Variants in SLC22A3 observed in about 807,000 individuals in gnomAD.
The protein encoded by SLC22A3 is EMT organic cation transporter 3.
SLC22A3 carries 51 observed loss-of-function variants against 59.1 expected under a neutral mutation model. That is an observed-to-expected ratio of 0.86 (90% confidence interval 0.69 to 1.09). The LOEUF is 1.09. Among genes scored for constraint, SLC22A3 ranks in the 50% least tolerant of loss-of-function variants. The pLI, the probability that SLC22A3 is intolerant of heterozygous loss-of-function variation, is 0.00. For synonymous variants in SLC22A3, 325 were observed against 292.0 expected (o/e 1.11, Z -1.15); for missense variants, 711 against 726.3 (o/e 0.98, Z 0.24).
At chr6:160,442,716 A>C in intron 7 of SLC22A3, 45 bp from the exon 8 acceptor site, 1 of 1,397,646 alleles carries the variant, frequency 7.2e-7, no homozygotes, top group African/African-American at 1.4e-5. Context: ...ATGTTAATGA[A>C]ATCAGACCCC....
chr6:160,373,160 G>T (rs919018331), intron 1 of SLC22A3, among the ~76,000 whole-genome samples: 1 of 152,124 alleles, frequency 6.6e-6, no homozygotes, highest in African/African-American at 2.4e-5. Flanking sequence ...TTTGATCTTT[G>T]ATACTGGTGA....
At chr6:160,387,016 G>A (rs1313030389) in intron 1 of SLC22A3, among the ~76,000 whole-genome samples, 1 of 152,198 alleles carries the variant, frequency 6.6e-6, no homozygotes, top group Non-Finnish European at 1.5e-5. Context: ...GTACAACCTG[G>A]CACTGCAGCT....
intron 5 of SLC22A3, chr6:160,426,495 G>A: frequency 6.3e-6 from 2 of 319,712 alleles, no homozygotes; most frequent in Non-Finnish European, 9.0e-6. Flanking sequence ...ACTCTAATGT[G>A]TCTGATTTAT....
At chr6:160,450,096 C>T (rs1788893122) in intron 10 of SLC22A3, among the ~76,000 whole-genome samples, 1 of 152,184 alleles carries the variant, frequency 6.6e-6, no homozygotes, top group African/African-American at 2.4e-5. Context: ...GAGCAGAGAA[C>T]TGGTCTGACC....
At chr6:160,377,479 C>CAA (rs113037123) in intron 1 of SLC22A3, among the ~76,000 whole-genome samples, 16 of 135,264 alleles carry the variant, frequency 1.2e-4, no homozygotes, top group African/African-American at 3.5e-4. Context: ...GACTCTATTT[C>CAA]AAAAAAAAAA....
chr6:160,356,633 G>A (rs1267215423), intron 1 of SLC22A3, among the ~76,000 whole-genome samples: 1 of 152,188 alleles, frequency 6.6e-6, no homozygotes, highest in Non-Finnish European at 1.5e-5. Flanking sequence ...GGAGTGGGGA[G>A]CAAACACCAC....
intron 7 of SLC22A3, among the ~76,000 whole-genome samples, chr6:160,440,125 T>TC (rs1788492326): frequency 6.6e-6 from 1 of 152,238 alleles, no homozygotes; most frequent in Non-Finnish European, 1.5e-5. Context: ...TATTCTCATC[T>TC]CAGACTCACT....
intron 1 of SLC22A3, among the ~76,000 whole-genome samples, chr6:160,382,934 T>C (rs1166700260): frequency 1.3e-5 from 2 of 152,124 alleles, no homozygotes; most frequent in African/African-American, 4.8e-5. Context: ...CAATAGCATA[T>C]TGGAGATGGC....
At chr6:160,422,275 T>C (rs1195563431) in intron 5 of SLC22A3, among the ~76,000 whole-genome samples, 1 of 152,196 alleles carries the variant, frequency 6.6e-6, no homozygotes, top group Non-Finnish European at 1.5e-5. Flanking sequence ...TGGAGGAAAT[T>C]GTACTAAAAA....
chr6:160,348,434 C>A lies in SLC22A3; in HGVS notation c.15C>A (p.Asp5Glu). 6.6e-7 allele frequency: 1 copy of A among 1,509,286 alleles called. No homozygotes were observed. The highest frequency in any genetic ancestry group is 1.3e-5 in the South Asian group (1 of 79,706). 93.5% of individuals were successfully genotyped at this position (1,509,286 alleles called of 1,614,324 possible). Reference protein sequence around the residue: MPSFDEALQRVGEFG... With the variant: MPSFEEALQRVGEFG... ...GCGGGCGCACCATGCCCTCCTTCGA[C>A]GAGGCGCTGCAGCGGGTGGGCGAGT... Residue 5 changes from aspartate (D) to glutamate (E), a missense_variant, in exon 1 of 11, where the codon GAC becomes GAA. By Grantham distance (45) the Asp-to-Glu change is conservative. Transcript: ENST00000275300.
chr6:160,377,337 T>C (rs1405071902), intron 1 of SLC22A3, among the ~76,000 whole-genome samples: 1 of 151,872 alleles, frequency 6.6e-6, no homozygotes, highest in African/African-American at 2.4e-5. Flanking sequence ...ATACGAAAAT[T>C]AGCTGGGTGT....
intron 1 of SLC22A3, among the ~76,000 whole-genome samples, chr6:160,373,976 C>T (rs1785497531): frequency 6.6e-6 from 1 of 152,216 alleles, no homozygotes; most frequent in South Asian, 2.1e-4. Context: ...AGTTAAACCA[C>T]TTGGCTCCCT....
intron 1 of SLC22A3, among the ~76,000 whole-genome samples, chr6:160,355,773 A>AAACAACAAC (rs572407293): frequency 2.0e-5 from 3 of 151,300 alleles, no homozygotes; most frequent in African/African-American, 7.3e-5. Flanking sequence ...CTCTGTCTCA[A>AAACAACAAC]AACAACAACA....
rs1788956134 is a variant in SLC22A3, at chr6:160,451,346, A to G, written c.*290A>G. On this transcript the variant is annotated 3_prime_UTR_variant, in exon 11 of 11. Coordinates refer to ENST00000275300, the MANE Select transcript of SLC22A3 (RefSeq NM_021977.4). ...TTTCTTGTGTTCCCTGTGGTCTCTG[A>G]CCCATTAGGCTAAAGAGAGACAAGA... 5 of 394,846 alleles carry G rather than the reference A, an allele frequency of 1.3e-5. No individual in the cohort carries two copies. The highest frequency in any genetic ancestry group is 3.7e-5 in the Admixed American group (1 of 26,764). 24.5% of individuals were successfully genotyped at this position (394,846 alleles called of 1,614,324 possible). A position where few individuals can be genotyped will look rare whatever the true frequency, so the allele number is the denominator to read the frequency against.
rs967775644 is a variant in SLC22A3 at position 160,443,729 on chromosome 6, T to C, written c.1497T>C (p.Pro499=). 2.5e-6 allele frequency: 4 copies of C among 1,607,542 alleles called. No individual in the cohort carries two copies. In the African/African-American group the frequency reaches 5.4e-5, roughly 22 times the overall value. Residue 499 remains proline, a synonymous_variant, in exon 9 of 11, where the codon CCT becomes CCC. Transcript: ENST00000275300. The part of the protein sequence containing the change: ...FRLAAVWLEL[P]LIIFGILASI... ...TAGCAGCCGTGTGGCTAGAACTACC[T>C]CTGATCATCTTTGGTAAGAACTCAT...
chr6:160,375,954 T>G (rs1307107864), intron 1 of SLC22A3, among the ~76,000 whole-genome samples: 4 of 152,136 alleles, frequency 2.6e-5, no homozygotes, highest in African/African-American at 9.7e-5. Context: ...ACCTGTAGAA[T>G]GAGGATAATA....
intron 1 of SLC22A3, 197 bp downstream of exon 1, chr6:160,349,045 A>G: frequency 2.0e-6 from 2 of 985,478 alleles, no homozygotes; most frequent in Non-Finnish European, 2.4e-6. Flanking sequence ...GCCTTTCGTT[A>G]TCTGCCTGAG....
chr6:160,421,758 A>G (rs1001570983), intron 5 of SLC22A3, among the ~76,000 whole-genome samples: 2 of 152,094 alleles, frequency 1.3e-5, no homozygotes, highest in Admixed American at 1.3e-4. Context: ...AAGAGGAGTG[A>G]GTTTGCCTGT....
At chr6:160,363,446 AGAGCGG>A (rs1785092435) in intron 1 of SLC22A3, among the ~76,000 whole-genome samples, 1 of 152,168 alleles carries the variant, frequency 6.6e-6, no homozygotes, top group South Asian at 2.1e-4. Flanking sequence ...CCTGTTCACA[AGAGCGG>A]GGCCCTCCTG....
Sources: allele counts gnomAD v4.1 joint callset (sites outside exome capture counted in the v4.1 genomes callset), GRCh38; gene constraint gnomAD v4.1.1; transcripts MANE v1.5; gene names NCBI Gene and HGNC (gene_info 2026-07-23, HGNC 2026-07-21).